MIB1: variants seen among roughly 807,000 people sequenced by gnomAD.
MIB1 encodes MIB E3 ubiquitin protein ligase 1.
In MIB1, 278 loss-of-function variants were observed where a neutral mutation model predicts 124.5. The ratio of observed to expected loss-of-function variants is 2.23; its 90% confidence interval spans 2.02 to 2.47. The LOEUF is 2.47. Among genes scored for constraint, MIB1 ranks in the 30% most tolerant of loss-of-function variants. The probability of loss-of-function intolerance (pLI) is 0.00; values close to 1 mark genes in which losing one functional copy is unlikely to be tolerated. For missense variants in MIB1, 957 were observed against 1,254.4 expected (o/e 0.76, Z 3.58); for synonymous variants, 446 against 429.4 (o/e 1.04, Z -0.48).
intron 12 of MIB1, chr18:21,830,733 C>T (rs2041971172): frequency 1.3e-5 from 2 of 152,106 alleles, no homozygotes; most frequent in Admixed American, 1.3e-4. Flanking sequence ...TTTGCTGATT[C>T]AGCATTTCTT....
chr18:21,706,980 A>G (rs1437757145), intron 1 of MIB1, among the ~76,000 whole-genome samples: 1 of 152,238 alleles, frequency 6.6e-6, no homozygotes, highest in Non-Finnish European at 1.5e-5. Flanking sequence ...TGGGCTCCTG[A>G]GTCTAGTGGG....
chr18:21,785,122 G>A (rs2041419784), intron 6 of MIB1, among the ~76,000 whole-genome samples: 1 of 152,306 alleles, frequency 6.6e-6, no homozygotes, highest in South Asian at 2.1e-4. Flanking sequence ...AAATAGGGAA[G>A]GGCTCCCTGT....
chr18:21,752,106 T>G (rs1273392679), intron 1 of MIB1, among the ~76,000 whole-genome samples: 1 of 152,238 alleles, frequency 6.6e-6, no homozygotes, highest in Non-Finnish European at 1.5e-5. Flanking sequence ...GAGCTTCATA[T>G]AAGGCTGTCA....
Position 21,812,732 on chromosome 18 carries a change from G to A in MIB1, c.1480-2884G>A, listed in dbSNP as rs536095930. 1.0e-3 allele frequency among the ~76,000 whole-genome samples: 153 copies of A among 152,238 alleles called. 1 individual carries two copies. In the South Asian group the frequency reaches 0.029, roughly 29 times the overall value. On this transcript the variant is annotated intron_variant, in intron 10 of 20. Transcript: ENST00000261537. ...AGGGCAGGGGGATAGAAAGAAACAC[G>A]ATCCGTTTTAGATTTAATTTGAGGC...
At chr18:21,824,657 TTA>T (rs1300979597) in intron 12 of MIB1, among the ~76,000 whole-genome samples, 3 of 152,016 alleles carry the variant, frequency 2.0e-5, no homozygotes, top group Admixed American at 6.6e-5. Context: ...AGATATATAT[TTA>T]TATATGTCTC....
At chr18:21,843,916 A>G (rs1211458166) in intron 14 of MIB1, among the ~76,000 whole-genome samples, 176 bp from the exon 15 acceptor site, 1 of 152,136 alleles carries the variant, frequency 6.6e-6, no homozygotes, top group African/African-American at 2.4e-5. Context: ...AGAACACGTG[A>G]CTCTTTGTAA....
chr18:21,799,925 A>C lies in MIB1; in HGVS notation c.1322A>C (p.Asn441Thr), dbSNP rs730880135. The stretch of plus-strand genomic sequence containing the variant: ...GAAGAATTAGTTAAGGCTGCTGCCA[A>C]TGGAGATGTTGCTAAAGTGGAAGAT... ...LNEELVKAAA[N>T]GDVAKVEDLL... Residue 441 changes from asparagine to threonine, a missense_variant, in exon 9 of 21, where the codon AAT becomes ACT. By Grantham distance (65) the Asn-to-Thr change is moderately conservative. Coordinates refer to ENST00000261537, the MANE Select transcript of MIB1 (RefSeq NM_020774.4). 5 of 1,612,358 alleles carry C rather than the reference A, an allele frequency of 3.1e-6. No individual in the cohort carries two copies. The highest frequency in any genetic ancestry group is 1.7e-5 in the Admixed American group (1 of 59,942).
intron 11 of MIB1, among the ~76,000 whole-genome samples, chr18:21,818,739 A>T (rs1234959931): frequency 6.6e-6 from 1 of 152,124 alleles, no homozygotes; most frequent in Non-Finnish European, 1.5e-5. Context: ...GTCTGAGACC[A>T]GCCTGGCCAA....
chr18:21,743,881 A>T (rs1324599518), intron 1 of MIB1, among the ~76,000 whole-genome samples: 1 of 152,164 alleles, frequency 6.6e-6, no homozygotes, highest in African/African-American at 2.4e-5. Context: ...TCATATTAAT[A>T]GTTTTATTAT....
intron 1 of MIB1, among the ~76,000 whole-genome samples, chr18:21,742,032 G>T (rs1326399931): frequency 6.6e-6 from 1 of 152,234 alleles, no homozygotes; most frequent in Non-Finnish European, 1.5e-5. Context: ...AATGATGGCA[G>T]CACCATCACC....
intron 6 of MIB1, among the ~76,000 whole-genome samples, chr18:21,781,498 C>T (rs1174727803): frequency 6.7e-6 from 1 of 150,240 alleles, no homozygotes; most frequent in African/African-American, 2.4e-5. Context: ...ATTGCAACCT[C>T]CGTCTCCCAG....
intron 5 of MIB1, 86 bp downstream of exon 5, chr18:21,778,255 G>A (rs1381465518): frequency 3.1e-6 from 3 of 976,354 alleles, no homozygotes; most frequent in Non-Finnish European, 3.1e-6. Flanking sequence ...TGTTAGAAAA[G>A]TTAATTACCA....
chr18:21,798,587 C>G lies in MIB1; in HGVS notation c.1237+359C>G, dbSNP rs933496672. 2.0e-4 allele frequency among the ~76,000 whole-genome samples: 31 copies of G among 152,200 alleles called. 1 individual carries two copies. The highest frequency in any genetic ancestry group is 1.8e-3 in the Admixed American group (28 of 15,282). On this transcript the variant is annotated intron_variant, in intron 8 of 20. Transcript: ENST00000261537. ...GCCAAAGAACCATCACTTTCTTAGA[C>G]TTCTTTATTTTTTCTGTATTTCCAA...
chr18:21,812,253 G>A (rs1461087084), intron 10 of MIB1: 1 of 152,208 alleles, frequency 6.6e-6, no homozygotes, highest in African/African-American at 2.4e-5. Flanking sequence ...AAGTTGATAA[G>A]TTGGAGCCTG....
At chr18:21,854,463 G>C (rs1234437240) in intron 18 of MIB1, among the ~76,000 whole-genome samples, 1 of 152,126 alleles carries the variant, frequency 6.6e-6, no homozygotes, top group African/African-American at 2.4e-5. Flanking sequence ...GCTGACATCT[G>C]TCATTCACCA....
chr18:21,738,294 T>G (rs1165840287), upstream of MIB1, among the ~76,000 whole-genome samples: 4 of 152,144 alleles, frequency 2.6e-5, no homozygotes, highest in Non-Finnish European at 5.9e-5. Flanking sequence ...ACCTCACAGC[T>G]ACATGGAAAC....
intron 6 of MIB1, among the ~76,000 whole-genome samples, chr18:21,790,362 A>G (rs555658543): frequency 2.0e-5 from 3 of 152,354 alleles, no homozygotes; most frequent in Admixed American, 6.5e-5. Context: ...ATGCTAGTCA[A>G]TAGGAGAATA....
At chr18:21,709,712 T>G (rs968018304) in intron 1 of MIB1, among the ~76,000 whole-genome samples, 13 of 152,208 alleles carry the variant, frequency 8.5e-5, no homozygotes, top group Non-Finnish European at 1.6e-4. Flanking sequence ...AAGGTTCAGA[T>G]GCTGGGCAGT....
At chr18:21,789,396 A>G (rs781732228) in intron 6 of MIB1, among the ~76,000 whole-genome samples, 1 of 152,026 alleles carries the variant, frequency 6.6e-6, no homozygotes, top group Non-Finnish European at 1.5e-5. Flanking sequence ...ACTTGATTAC[A>G]TATGTAAAGT....
Sources: allele counts gnomAD v4.1 joint callset (sites outside exome capture counted in the v4.1 genomes callset), GRCh38; gene constraint gnomAD v4.1.1; transcripts MANE v1.5; gene names NCBI Gene and HGNC (gene_info 2026-07-23, HGNC 2026-07-21).